The following NPEPPS variants were observed in gnomAD, a reference collection of about 807,000 sequenced individuals.
NPEPPS encodes puromycin-sensitive aminopeptidase.
A neutral mutation model predicts 115.5 loss-of-function variants in NPEPPS; 14 were observed. The ratio of observed to expected loss-of-function variants is 0.12; its 90% CI spans 0.08 to 0.19. The LOEUF is 0.19. Ranked by LOEUF, NPEPPS falls within the 10% of genes least tolerant of loss-of-function variation. The pLI, the probability that NPEPPS is intolerant of heterozygous loss-of-function variation, is 1.00. For synonymous variants in NPEPPS, 285 were observed against 390.6 expected (o/e 0.73, Z 3.19); for missense variants, 523 against 1,110.8 (o/e 0.47, Z 7.52).
intron 3 of NPEPPS, among the ~76,000 whole-genome samples, chr17:47,570,355 G>T (rs1167739043): frequency 1.3e-5 from 2 of 152,182 alleles, no homozygotes; most frequent in African/African-American, 4.8e-5. Flanking sequence ...CCAGGAAGTG[G>T]AGGTTGCAGT....
chr17:47,552,924 T>C (rs1273601529), intron 2 of NPEPPS, among the ~76,000 whole-genome samples: 4 of 152,140 alleles, frequency 2.6e-5, no homozygotes, highest in Non-Finnish European at 5.9e-5. Flanking sequence ...GTAATAAAAC[T>C]GATAAATGTT....
chr17:47,564,779 T>A (rs570063507), intron 2 of NPEPPS, among the ~76,000 whole-genome samples: 10 of 152,098 alleles, frequency 6.6e-5, no homozygotes, highest in African/African-American at 2.4e-4. Context: ...TTCTACCCTT[T>A]GAACAATCTA....
chr17:47,570,183 A>G (rs2143804812), intron 3 of NPEPPS, among the ~76,000 whole-genome samples: 1 of 152,274 alleles, frequency 6.6e-6, no homozygotes, highest in Non-Finnish European at 1.5e-5. Flanking sequence ...GCGCTTTGGG[A>G]GGCCAAGGCG....
At chr17:47,558,456 G>T (rs1227127887) in intron 2 of NPEPPS, among the ~76,000 whole-genome samples, 1 of 151,538 alleles carries the variant, frequency 6.6e-6, no homozygotes, top group Non-Finnish European at 1.5e-5. Flanking sequence ...TTGAGACGGA[G>T]TCTCGCTCTG....
At chr17:47,609,039 G>T (rs982188021) in intron 17 of NPEPPS, among the ~76,000 whole-genome samples, 3 of 151,184 alleles carry the variant, frequency 2.0e-5, no homozygotes, top group Non-Finnish European at 4.4e-5. Flanking sequence ...TCAGAGAAAA[G>T]GGGTAGATGA....
At chr17:47,544,885 A>G (rs995933659) in intron 1 of NPEPPS, among the ~76,000 whole-genome samples, 4 of 148,446 alleles carry the variant, frequency 2.7e-5, no homozygotes, top group Non-Finnish European at 4.5e-5. Context: ...GCTAATTTTT[A>G]GTAGAGATGG....
rs945862252 is a variant in NPEPPS, at chr17:47,563,671, C to T, written c.341-5746C>T. On this transcript the variant is annotated intron_variant, in intron 2 of 22. Transcript: ENST00000322157. ...CTGCAAGCTCCGCCTCCCGAGTTCA[C>T]GCCATTTTCCTGCCTCAGCCTCCTG... Among the ~76,000 whole-genome samples, 9 of 151,360 alleles carry T rather than the reference C, an allele frequency of 5.9e-5. No individual in the cohort carries two copies. The East Asian group carries it at 1.2e-3, about 20-fold the overall frequency.
chr17:47,585,942 T>G (rs1912149574), intron 6 of NPEPPS: 1 of 564,812 alleles, frequency 1.8e-6, no homozygotes, highest in Non-Finnish European at 3.1e-6. Flanking sequence ...TGTAGTTATA[T>G]TTTTCATATC....
chr17:47,580,064 G>A (rs781018315), intron 4 of NPEPPS: 5 of 151,674 alleles, frequency 3.3e-5, no homozygotes, highest in Non-Finnish European at 5.9e-5. Flanking sequence ...AAATTGTTTT[G>A]AATCTGCTAG....
chr17:47,597,763 C>T (rs1283967513), intron 13 of NPEPPS, among the ~76,000 whole-genome samples: 1 of 152,198 alleles, frequency 6.6e-6, no homozygotes, highest in Non-Finnish European at 1.5e-5. Context: ...GACATTTAAA[C>T]CAATTCTTGC....
intron 4 of NPEPPS, chr17:47,580,141 A>T (rs1185142003): frequency 6.6e-6 from 1 of 152,192 alleles, no homozygotes; most frequent in Non-Finnish European, 1.5e-5. Context: ...GAAACAATTC[A>T]TGATATCCGT....
intron 17 of NPEPPS, among the ~76,000 whole-genome samples, chr17:47,609,477 C>T (rs867647362): frequency 1.3e-5 from 2 of 152,336 alleles, no homozygotes; most frequent in African/African-American, 4.8e-5. Flanking sequence ...TTGCATCACA[C>T]AGCGTGTTAG....
chr17:47,611,226 G>T (rs1597890941), intron 17 of NPEPPS, among the ~76,000 whole-genome samples: 1 of 151,730 alleles, frequency 6.6e-6, no homozygotes, highest in Non-Finnish European at 1.5e-5. Context: ...GTGGCAGGCC[G>T]AGGCAGGTGG....
intron 18 of NPEPPS, among the ~76,000 whole-genome samples, chr17:47,613,257 CTTTTTTTT>C (rs753383358): frequency 1.0e-4 from 10 of 98,226 alleles, no homozygotes; most frequent in Admixed American, 6.5e-4. Flanking sequence ...ATAATATTTA[CTTTTTTTT>C]TTTTTTTTTT....
intron 5 of NPEPPS, 148 bp downstream of exon 5, chr17:47,582,997 C>G: frequency 2.0e-6 from 1 of 505,208 alleles, no homozygotes; most frequent in Non-Finnish European, 3.5e-6. Flanking sequence ...TTTCAATAAG[C>G]CTCTTTTTCT....
chr17:47,569,593 T>C (rs1259991216), intron 3 of NPEPPS, 99 bp downstream of exon 3: 5 of 727,196 alleles, frequency 6.9e-6, no homozygotes, highest in Non-Finnish European at 9.4e-6. Flanking sequence ...CTCATTGTTA[T>C]TAGCAGATTA....
chr17:47,527,118 T>A (rs1420662486), upstream of NPEPPS, among the ~76,000 whole-genome samples: 6 of 152,180 alleles, frequency 3.9e-5, no homozygotes, highest in Non-Finnish European at 8.8e-5. Context: ...TGTGCCTGTT[T>A]CCTCAAATGT....
At chr17:47,586,528 C>G (rs1451149377) in intron 8 of NPEPPS, 130 bp downstream of exon 8, 5 of 733,900 alleles carry the variant, frequency 6.8e-6, no homozygotes, top group East Asian at 3.0e-5. Flanking sequence ...TCCCCCACTT[C>G]CGTGCACATT....
chr17:47,605,480 A>G lies in NPEPPS; in HGVS notation c.2023A>G (p.Ile675Val), dbSNP rs1913458426. The G allele has an allele frequency of 1.2e-6, 2 of 1,607,092 alleles. No individual in the cohort carries two copies. Among genetic ancestry groups the G allele is most frequent in the East Asian group, 2.2e-5 (1 of 44,802 alleles). Residue 675 changes from isoleucine to valine, a missense_variant, in exon 17 of 23, where the codon ATC (isoleucine) becomes GTC (valine). By Grantham distance (29) the Ile-to-Val change is conservative. Coordinates refer to ENST00000322157, the MANE Select transcript of NPEPPS (RefSeq NM_006310.4). ...GTCCCACACAGACTTCTATGAGGAAATCCAGGAGTTTGTGAAAGATGTCTT... is the reference window on the plus strand; with the variant it reads ...GTCCCACACAGACTTCTATGAGGAAGTCCAGGAGTTTGTGAAAGATGTCTT... ...LLSHTDFYEE[I>V]QEFVKDVFSP...
Sources: allele counts gnomAD v4.1 joint callset (sites outside exome capture counted in the v4.1 genomes callset), GRCh38; gene constraint gnomAD v4.1.1; transcripts MANE v1.5; gene names NCBI Gene and HGNC (gene_info 2026-07-23, HGNC 2026-07-21).